TMEM165: variants seen among roughly 807,000 people sequenced by gnomAD.
TMEM165 encodes the protein transmembrane protein 165.
Under a neutral mutation model 30.0 loss-of-function variants are expected in TMEM165, and 19 were observed. The observed-to-expected ratio is 0.63, with a 90% CI of 0.44 to 0.93. The LOEUF (loss-of-function observed/expected upper bound fraction) is 0.93, where lower values mean the gene tolerates loss of function less well. TMEM165 is among the 40% of genes least tolerant of loss of function. The pLI is 0.00. For missense variants in TMEM165, 340 were observed against 417.0 expected, an observed-to-expected ratio of 0.82 and a Z score of 1.61; for synonymous variants, 168 against 162.9, an observed-to-expected ratio of 1.03 and a Z score of -0.24.
At chr4:55,418,377 G>A (rs1414446852) in intron 4 of TMEM165, among the ~76,000 whole-genome samples, 1 of 152,062 alleles carries the variant, frequency 6.6e-6, no homozygotes. Flanking sequence ...TGTGTAGCTA[G>A]CCGGGCTTGG....
intron 3 of TMEM165, chr4:55,448,675 C>G: frequency 1.3e-6 from 1 of 743,586 alleles, no homozygotes; most frequent in East Asian, 3.3e-5. Context: ...GTAGCTGTGG[C>G]TACAGGTGCT....
intron 2 of TMEM165, among the ~76,000 whole-genome samples, chr4:55,416,466 GA>G (rs1385640965): frequency 3.3e-5 from 5 of 152,140 alleles, no homozygotes; most frequent in African/African-American, 1.2e-4. Flanking sequence ...TTATCAGTGG[GA>G]AAGAGTGGAA....
intron 2 of TMEM165, chr4:55,415,329 G>C (rs748111033): frequency 6.6e-6 from 1 of 152,152 alleles, no homozygotes; most frequent in African/African-American, 2.4e-5. Context: ...TGTTAGGCCA[G>C]TGAGAGCCTC....
At chr4:55,448,920 G>T (rs1173735155) in intron 3 of TMEM165, 1 of 1,315,960 alleles carries the variant, frequency 7.6e-7, no homozygotes, top group South Asian at 1.2e-5. Flanking sequence ...CCATACATGA[G>T]TACTTCCAGC....
chr4:55,421,333 C>G lies in TMEM165; in HGVS notation c.793-3205C>G, dbSNP rs1473041790. Among the ~76,000 whole-genome samples, 6 of 122,246 alleles carry G rather than the reference C, an allele frequency of 4.9e-5. No homozygotes were observed. The East Asian group carries it at 1.5e-3, about 30-fold the overall frequency. 80.2% of individuals were successfully genotyped at this position (122,246 alleles called of 152,430 possible). On this transcript the variant is annotated intron_variant, in intron 4 of 5. Transcript: ENST00000381334. ...TTTTTTTTTTTGAGACAGGGTCTGGCTCTGTCAACCAGGCTGGAGTGCAGT... is the reference window on the plus strand; with the variant it reads ...TTTTTTTTTTTGAGACAGGGTCTGGGTCTGTCAACCAGGCTGGAGTGCAGT...
At chr4:55,399,905 G>A (rs191053696) in intron 1 of TMEM165, among the ~76,000 whole-genome samples, 1 of 150,810 alleles carries the variant, frequency 6.6e-6, no homozygotes, top group Non-Finnish European at 1.5e-5. Context: ...TGATTTTTCC[G>A]TTTAATATTT....
At chr4:55,427,057 A>AGG (rs1553887610), downstream of TMEM165, among the ~76,000 whole-genome samples, 2 of 132,094 alleles carry the variant, frequency 1.5e-5, no homozygotes, top group African/African-American at 5.7e-5. Flanking sequence ...TTTTTTTGAG[A>AGG]GAGTCTCACT....
chr4:55,422,816 A>T (rs1722036457), intron 4 of TMEM165, among the ~76,000 whole-genome samples: 1 of 151,820 alleles, frequency 6.6e-6, no homozygotes, highest in African/African-American at 2.4e-5. Context: ...CACCCGGCTA[A>T]TTTTTTGTAT....
intron 3 of TMEM165, chr4:55,431,558 A>G (rs1722502935): frequency 1.3e-5 from 2 of 152,088 alleles, no homozygotes; most frequent in Admixed American, 1.3e-4. Flanking sequence ...CTGGCTAGAA[A>G]GACTCACTCA....
chr4:55,452,647 TTC>T (rs1724569565), exon 4 of TMEM165: 1 of 187,006 alleles, frequency 5.3e-6, no homozygotes, highest in Non-Finnish European at 1.1e-5. Flanking sequence ...AGAGTTCCAA[TTC>T]TGACTATAAT....
At chr4:55,403,706 CACTGTATA>C (rs1211644598) in intron 1 of TMEM165, among the ~76,000 whole-genome samples, 1 of 152,088 alleles carries the variant, frequency 6.6e-6, no homozygotes, top group Non-Finnish European at 1.5e-5. Context: ...TGATATATAA[CACTGTATA>C]ACTGAATAGT....
chr4:55,444,629 T>C, intron 3 of TMEM165: 1 of 1,614,038 alleles, frequency 6.2e-7, no homozygotes, highest in Non-Finnish European at 8.5e-7. Flanking sequence ...AATATAACAA[T>C]TACCTGCAGC....
chr4:55,424,885 T>TCTTA, intron 5 of TMEM165: 1 of 472,596 alleles, frequency 2.1e-6, no homozygotes, highest in Admixed American at 3.9e-5. Flanking sequence ...TAACATATTA[T>TCTTA]CTTAGTAAAA....
intron 2 of TMEM165, among the ~76,000 whole-genome samples, chr4:55,415,029 T>C (rs1321276945): frequency 1.3e-5 from 2 of 152,386 alleles, no homozygotes; most frequent in East Asian, 1.9e-4. Context: ...TGTAGGGATA[T>C]ACTTAAAGAC....
chr4:55,448,591 CGCACGCGCGCGTGTGTGTGTGTGTGT>C (rs1724099065), intron 3 of TMEM165, among the ~76,000 whole-genome samples: 1 of 81,048 alleles, frequency 1.2e-5, no homozygotes, highest in Admixed American at 1.5e-4. Context: ...TGTGCGCGCG[CGCACGCGCGCGTGTGTGTGTGTGTGT>C]GTGTGTGTGT....
intron 3 of TMEM165, among the ~76,000 whole-genome samples, chr4:55,447,088 C>T (rs571186057): frequency 2.6e-5 from 4 of 151,270 alleles, no homozygotes; most frequent in South Asian, 4.2e-4. Flanking sequence ...TAATTATGGC[C>T]GGGCATGGTG....
In TMEM165 at chr4:55,417,100, C is replaced by T; in HGVS notation, c.462C>T (p.Ile154=). ...TGTTTGGCTATGCCACCACAGTCAT[C>T]CCCAGGGTCTATACATACTATGTTT... is the stretch of plus-strand genomic sequence containing the variant. ...SVLFGYATTV[I]PRVYTYYVST... The change falls in exon 3 of 6, where the codon ATC becomes ATT. Residue 154 remains isoleucine (I), a synonymous_variant. Transcript: ENST00000381334. 1.2e-6 allele frequency: 2 copies of T among 1,607,650 alleles called. No homozygotes were observed. The highest frequency in any genetic ancestry group is 1.1e-5 in the South Asian group (1 of 89,510).
chr4:55,444,496 G>T, intron 3 of TMEM165: 1 of 994,072 alleles, frequency 1.0e-6, no homozygotes, highest in Non-Finnish European at 1.6e-6. Context: ...TACTGAGTAG[G>T]TAACCAGTGA....
intron 3 of TMEM165, chr4:55,433,847 T>C (rs575735832): frequency 6.6e-6 from 1 of 152,206 alleles, no homozygotes; most frequent in Non-Finnish European, 1.5e-5. Context: ...AATATTCTAA[T>C]GTTGTAGTGA....
Sources: gnomAD v4.1 joint callset for allele counts (sites outside exome capture counted in the v4.1 genomes callset) on GRCh38, gnomAD v4.1.1 for gene constraint, MANE v1.5 for transcripts, NCBI Gene and HGNC (gene_info 2026-07-23, HGNC 2026-07-21) for gene names.